PEX14: variants seen among roughly 807,000 people sequenced by gnomAD.
The protein encoded by PEX14 is peroxisomal biogenesis factor 14.
A neutral mutation model predicts 49.5 loss-of-function variants in PEX14; 15 were observed. The observed-to-expected ratio is 0.30, with a 90% CI of 0.20 to 0.47. The LOEUF (loss-of-function observed/expected upper bound fraction) is 0.47. Among genes scored for constraint, PEX14 ranks in the 20% least tolerant of loss-of-function variants. The probability of loss-of-function intolerance (pLI) is 1.00; values close to 1 mark genes in which losing one functional copy is unlikely to be tolerated. For missense variants in PEX14, 398 were observed against 494.8 expected (o/e 0.80, Z 1.86); for synonymous variants, 210 against 212.7 (o/e 0.99, Z 0.11).
intron 3 of PEX14, among the ~76,000 whole-genome samples, chr1:10,543,229 A>G (rs944986684): frequency 1.3e-5 from 2 of 152,158 alleles, no homozygotes; most frequent in Non-Finnish European, 2.9e-5. Context: ...CTGCTTCCCA[A>G]GTTCAAGCGA....
chr1:10,513,327 A>C, intron 2 of PEX14, among the ~76,000 whole-genome samples: 1 of 152,152 alleles, frequency 6.6e-6, no homozygotes, highest in East Asian at 1.9e-4. Context: ...TGTTCACATA[A>C]TACTCTACCC....
intron 3 of PEX14, among the ~76,000 whole-genome samples, chr1:10,562,748 G>A (rs531849277): frequency 1.5e-4 from 23 of 152,196 alleles, no homozygotes; most frequent in African/African-American, 4.8e-4. Flanking sequence ...AGTACCTTCT[G>A]AGGAGATACT....
chr1:10,594,831 G>A (rs1018356561), intron 3 of PEX14, among the ~76,000 whole-genome samples: 4 of 149,806 alleles, frequency 2.7e-5, no homozygotes, highest in African/African-American at 2.5e-5. Context: ...ATCGCAGCCT[G>A]TACCCTGCAG....
chr1:10,532,315 T>G (rs1415509611), intron 2 of PEX14, among the ~76,000 whole-genome samples: 2 of 151,200 alleles, frequency 1.3e-5, no homozygotes, highest in Non-Finnish European at 2.9e-5. Context: ...TTATGAAATT[T>G]CCCCAAAATT....
At chr1:10,594,531 G>A (rs1207423065) in intron 3 of PEX14, among the ~76,000 whole-genome samples, 2 of 152,246 alleles carry the variant, frequency 1.3e-5, no homozygotes, top group Admixed American at 6.5e-5. Flanking sequence ...GAGCAGGAAG[G>A]CGCTGGCAGG....
intron 3 of PEX14, among the ~76,000 whole-genome samples, chr1:10,557,134 A>G (rs17035313): frequency 0.035 from 5,263 of 152,138 alleles, 318 homozygotes; most frequent in African/African-American, 0.12. Context: ...TCTAGCATCA[A>G]TTTTAGTAAC....
chr1:10,617,322 A>C lies in PEX14; in HGVS notation c.299-1010A>C, dbSNP rs577755498. Among the ~76,000 whole-genome samples, 300 of 151,274 alleles carry C rather than the reference A, an allele frequency of 2.0e-3. 2 individuals are homozygous for C. The highest frequency in any genetic ancestry group is 7.0e-3 in the African/African-American group (290 of 41,196). On this transcript the variant is annotated intron_variant, in intron 4 of 8. Coordinates refer to ENST00000356607, the MANE Select transcript of PEX14 (RefSeq NM_004565.3). ...CAGCTCTTCTGCCTCTGCGGCCCCC[A>C]CTTCTGACCACCCTCAGAGCCTCCC...
At chr1:10,532,971 A>G (rs543021715) in intron 2 of PEX14, among the ~76,000 whole-genome samples, 20 of 152,186 alleles carry the variant, frequency 1.3e-4, no homozygotes, top group Non-Finnish European at 4.4e-5. Flanking sequence ...AGAGTTTTGC[A>G]AAATCTTCTC....
intron 3 of PEX14, among the ~76,000 whole-genome samples, chr1:10,587,205 C>A (rs1640519033): frequency 6.6e-6 from 1 of 152,088 alleles, no homozygotes; most frequent in South Asian, 2.1e-4. Context: ...GCCTGTAATC[C>A]CAGCACTTTG....
At chr1:10,478,795 G>C (rs1180036533) in intron 1 of PEX14, among the ~76,000 whole-genome samples, 1 of 151,506 alleles carries the variant, frequency 6.6e-6, no homozygotes, top group Non-Finnish European at 1.5e-5. Context: ...GCCCAGGCTG[G>C]AGTGCAGTGG....
chr1:10,590,329 C>G (rs1640626070), intron 3 of PEX14, among the ~76,000 whole-genome samples: 1 of 152,228 alleles, frequency 6.6e-6, no homozygotes, highest in Admixed American at 6.5e-5. Context: ...CTAAAATGCT[C>G]TGCTACACGT....
Position 10,514,136 on chromosome 1 carries a change from G to A in PEX14, c.84+18815G>A, listed in dbSNP as rs960197591. ...AGGAAATAGAAAAAAAGGAAAAAATGTATAAAATAATCTATGCCTCTGTGT... is the reference window on the plus strand; with the variant it reads ...AGGAAATAGAAAAAAAGGAAAAAATATATAAAATAATCTATGCCTCTGTGT... On this transcript the variant is annotated intron_variant, in intron 2 of 8. Coordinates refer to ENST00000356607, the MANE Select transcript of PEX14 (RefSeq NM_004565.3). This position sits in a 1 kb window ranked among gnomAD's most constrained non-coding sequence, Gnocchi z 4.4. Among the ~76,000 whole-genome samples, 1 of 147,600 alleles carries A rather than the reference G, an allele frequency of 6.8e-6. No individual in the cohort carries two copies. The highest frequency in any genetic ancestry group is 6.8e-5 in the Admixed American group (1 of 14,758).
chr1:10,629,619 G>A lies in PEX14; in HGVS notation c.766G>A (p.Val256Met), dbSNP rs143378690. The A allele has an allele frequency of 9.2e-5, 149 of 1,613,964 alleles. No individual in the cohort carries two copies. Among genetic ancestry groups the A allele is most frequent in the East Asian group, 6.7e-5 (3 of 44,872 alleles). The change falls in exon 9 of 9, where the codon GTG (valine) becomes ATG (methionine). Residue 256 changes from valine (V) to methionine (M), a missense_variant. Physicochemically the swap from Val to Met is conservative, Grantham distance 21. Coordinates refer to ENST00000356607, the MANE Select transcript of PEX14 (RefSeq NM_004565.3). The surrounding 1 kb of genome is among the most constrained non-coding windows in gnomAD (Gnocchi z 8.5). ...KSPSPSSPAA[V>M]NHHSSSDISP... ...ACCGTCACCCTCCAGCCCTGCGGCC[G>A]TGAACCACCACAGCAGCAGCGACAT... is the stretch of plus-strand genomic sequence containing the variant.
chr1:10,605,912 G>A (rs1488896217), intron 4 of PEX14, among the ~76,000 whole-genome samples: 1 of 152,240 alleles, frequency 6.6e-6, no homozygotes, highest in East Asian at 1.9e-4. Context: ...TCTGCCTGGT[G>A]TGGTGCCACA....
At chr1:10,493,541 C>T (rs979870363) in intron 1 of PEX14, among the ~76,000 whole-genome samples, 6 of 152,068 alleles carry the variant, frequency 3.9e-5, no homozygotes, top group African/African-American at 7.2e-5. Flanking sequence ...GATCCTTCTG[C>T]CCCAGCTTCC....
chr1:10,519,663 A>G (rs115587764), intron 2 of PEX14, among the ~76,000 whole-genome samples: 1,717 of 152,282 alleles, frequency 0.011, 35 homozygotes, highest in African/African-American at 0.039. Flanking sequence ...AAATATTTCT[A>G]CAGAGACACT....
At chr1:10,580,228 CT>C (rs1640273587) in intron 3 of PEX14, among the ~76,000 whole-genome samples, 1 of 151,884 alleles carries the variant, frequency 6.6e-6, no homozygotes, top group Admixed American at 6.6e-5. Context: ...AATTAAGACT[CT>C]TTTTCTTTTT....
At chr1:10,591,887 C>T (rs1453336167) in intron 3 of PEX14, among the ~76,000 whole-genome samples, 2 of 152,196 alleles carry the variant, frequency 1.3e-5, no homozygotes, top group Non-Finnish European at 2.9e-5. Context: ...GAATCCAATT[C>T]TGGGGCTCAC....
rs539905902 is a variant in PEX14 at position 10,514,323 on chromosome 1, T to C, written c.84+19002T>C. Among the ~76,000 whole-genome samples, 41 of 152,212 alleles carry C rather than the reference T, an allele frequency of 2.7e-4. 1 individual carries two copies. The South Asian group carries it at 3.9e-3, about 15-fold the overall frequency. On this transcript the variant is annotated intron_variant, in intron 2 of 8. Coordinates refer to ENST00000356607, the MANE Select transcript of PEX14 (RefSeq NM_004565.3). This position sits in a 1 kb window ranked among gnomAD's most constrained non-coding sequence, Gnocchi z 4.4. ...CCCACGTATTGTGCATCTGTATGTGTGTATGTGCGAGCGCCTGTGTACGCA... is the reference window on the plus strand; with the variant it reads ...CCCACGTATTGTGCATCTGTATGTGCGTATGTGCGAGCGCCTGTGTACGCA...
Sources: allele counts gnomAD v4.1 joint callset (sites outside exome capture counted in the v4.1 genomes callset), GRCh38; gene constraint gnomAD v4.1.1; non-coding constraint Gnocchi (gnomAD v3.1); transcripts MANE v1.5; gene names NCBI Gene and HGNC (gene_info 2026-07-23, HGNC 2026-07-21).